GRK5: variants seen among roughly 807,000 people sequenced by gnomAD.
GRK5 encodes g protein-coupled receptor kinase GRK5.
GRK5 carries 40 observed loss-of-function variants against 78.4 expected under a neutral mutation model. That is an observed-to-expected ratio of 0.51 (90% confidence interval 0.40 to 0.66). GRK5 has a LOEUF of 0.66. Among genes scored for constraint, GRK5 ranks in the 30% least tolerant of loss-of-function variants. The probability of loss-of-function intolerance (pLI) is 0.00; values close to 1 mark genes in which losing one functional copy is unlikely to be tolerated. For synonymous variants in GRK5, 289 were observed against 296.8 expected (o/e 0.97, Z 0.27); for missense variants, 598 against 759.9 (o/e 0.79, Z 2.50).
In GRK5 at chr10:119,315,695, T is replaced by A. The variant is rs79623997; in HGVS notation, c.53-10821T>A. On this transcript the variant is annotated intron_variant, in intron 1 of 15. Transcript: ENST00000392870. ...AAGAACTGGATGGAGTCTTTAGTCC[T>A]GCAGACATCACAGGCAGAATTGTGA... Among the ~76,000 whole-genome samples the A allele has an allele frequency of 4.1e-3, 620 of 152,322 alleles. 4 individuals carry two copies. The highest frequency in any genetic ancestry group is 0.014 in the African/African-American group (591 of 41,576).
chr10:119,398,591 C>A (rs1055844014), intron 4 of GRK5, among the ~76,000 whole-genome samples: 9 of 152,224 alleles, frequency 5.9e-5, no homozygotes, highest in Non-Finnish European at 1.2e-4. Context: ...TGTGTCCCCC[C>A]CAAACAATGG....
chr10:119,347,503 A>G (rs1329943880), intron 2 of GRK5, among the ~76,000 whole-genome samples: 1 of 152,254 alleles, frequency 6.6e-6, no homozygotes, highest in African/African-American at 2.4e-5. Flanking sequence ...GTGCACGCCC[A>G]TCACCAGACT....
At chr10:119,396,983 G>A (rs1193934782) in intron 4 of GRK5, among the ~76,000 whole-genome samples, 1 of 152,270 alleles carries the variant, frequency 6.6e-6, no homozygotes, top group Admixed American at 6.5e-5. Context: ...CAGGACTGGA[G>A]TAGGGGCGGG....
Position 119,336,276 on chromosome 10 carries a change from A to G in GRK5, c.148+9665A>G, listed in dbSNP as rs1850884507. On this transcript the variant is annotated intron_variant, in intron 2 of 15. Coordinates refer to ENST00000392870, the MANE Select transcript of GRK5 (RefSeq NM_005308.3). This position sits in a 1 kb window ranked among gnomAD's most constrained non-coding sequence, Gnocchi z 4.5. ...CTCCCCACGGCTCCACAGTTTGCCC[A>G]GGGAAGCTGGAAGCATCACACTCTG... The G allele has an allele frequency of 6.6e-6, 1 of 152,204 alleles. No individual in the cohort carries two copies. Among genetic ancestry groups the G allele is most frequent in the African/African-American group, 2.4e-5 (1 of 41,408 alleles). 9.4% of individuals were successfully genotyped at this position (152,204 alleles called of 1,614,324 possible). A position where few individuals can be genotyped will look rare whatever the true frequency, so the allele number is the denominator to read the frequency against.
At chr10:119,266,586 G>A (rs1849502225) in intron 1 of GRK5, among the ~76,000 whole-genome samples, 1 of 152,150 alleles carries the variant, frequency 6.6e-6, no homozygotes, top group African/African-American at 2.4e-5. Flanking sequence ...GGAAGTTTAA[G>A]TAGTGAAGCC....
At chr10:119,409,333 T>C (rs1393305361) in intron 4 of GRK5, among the ~76,000 whole-genome samples, 1 of 152,206 alleles carries the variant, frequency 6.6e-6, no homozygotes, top group African/African-American at 2.4e-5. Context: ...GAGGCTGATG[T>C]GCCTTGCTGG....
At position 119,458,469 on chromosome 10, in the gene GRK5, G is replaced by A. The variant is rs986292395; in HGVS notation, c.*3402G>A. 9 of 152,380 alleles carry A rather than the reference G, an allele frequency of 5.9e-5. No individual in the cohort carries two copies. The highest frequency in any genetic ancestry group is 5.9e-4 in the Admixed American group (9 of 15,308). 9.4% of individuals were successfully genotyped at this position (152,380 alleles called of 1,614,324 possible). A position where few individuals can be genotyped will look rare whatever the true frequency, so the allele number is the denominator to read the frequency against. On this transcript the variant is annotated 3_prime_UTR_variant, in exon 16 of 16. Coordinates refer to ENST00000392870, the MANE Select transcript of GRK5 (RefSeq NM_005308.3). Reference sequence around the variant, plus strand: ...TCTAGGGCTGCTCGCTGCTGCTGTGGCCTGCGCAGCCACGGGAGGCTTCCT... The same window carrying A: ...TCTAGGGCTGCTCGCTGCTGCTGTGACCTGCGCAGCCACGGGAGGCTTCCT...
At chr10:119,446,471 C>T (rs1426457496) in intron 12 of GRK5, among the ~76,000 whole-genome samples, 1 of 149,510 alleles carries the variant, frequency 6.7e-6, no homozygotes. Flanking sequence ...ACCCAGCCCA[C>T]CCCTCGCCTT....
chr10:119,339,674 G>A (rs1254456383), intron 2 of GRK5, among the ~76,000 whole-genome samples: 2 of 152,046 alleles, frequency 1.3e-5, no homozygotes, highest in Admixed American at 6.5e-5. Flanking sequence ...CATGTGGATC[G>A]CTTGAGCTCA....
At chr10:119,328,109 G>A (rs969805309) in intron 2 of GRK5, among the ~76,000 whole-genome samples, 5 of 152,224 alleles carry the variant, frequency 3.3e-5, no homozygotes, top group Non-Finnish European at 5.9e-5. Flanking sequence ...TGGTGCCCTC[G>A]TCGGGAGACC....
Position 119,445,166 on chromosome 10 carries a change from G to C in GRK5, c.1266+1414G>C, listed in dbSNP as rs556786979. Among the ~76,000 whole-genome samples, 117 of 152,312 alleles carry C rather than the reference G, an allele frequency of 7.7e-4. No individual in the cohort carries two copies. Among genetic ancestry groups the C allele is most frequent in the Non-Finnish European group, 1.4e-3 (93 of 68,018 alleles). ...GGTCATCGCAGCCAGGGCTAGGGTGGGGGGACCGGAGGAGCAGTGCAGCAC... is the reference window on the plus strand; with the variant it reads ...GGTCATCGCAGCCAGGGCTAGGGTGCGGGGACCGGAGGAGCAGTGCAGCAC... On this transcript the variant is annotated intron_variant, in intron 12 of 15. Transcript: ENST00000392870. The surrounding 1 kb of genome is among the most constrained non-coding windows in gnomAD (Gnocchi z 4.1).
intron 1 of GRK5, among the ~76,000 whole-genome samples, chr10:119,318,204 C>G (rs1012685459): frequency 6.6e-6 from 1 of 152,244 alleles, no homozygotes; most frequent in African/African-American, 2.4e-5. Flanking sequence ...AGAGTCAGAA[C>G]AGCAGAGCCC....
chr10:119,449,029 G>A lies in GRK5; in HGVS notation c.1404+769G>A, dbSNP rs184226905. ...GTGCTTCGGCTCCTGCCACGCTCCCGCGGATGACCCCTTGCTGGCAGGGGG... is the reference window on the plus strand; with the variant it reads ...GTGCTTCGGCTCCTGCCACGCTCCCACGGATGACCCCTTGCTGGCAGGGGG... On this transcript the variant is annotated intron_variant, in intron 13 of 15. Transcript: ENST00000392870. Among the ~76,000 whole-genome samples, 685 of 151,880 alleles carry A rather than the reference G, an allele frequency of 4.5e-3. 3 individuals carry two copies. The highest frequency in any genetic ancestry group is 0.014 in the African/African-American group (588 of 41,556).
intron 1 of GRK5, among the ~76,000 whole-genome samples, chr10:119,261,523 G>C (rs7894003): frequency 6.7e-6 from 1 of 149,504 alleles, no homozygotes; most frequent in African/African-American, 2.5e-5. Flanking sequence ...CTGCAATCTC[G>C]GCACTTTGGG....
rs1175143874 is a variant in GRK5 at position 119,456,800 on chromosome 10, GGGGAGGACAGTC to G, written c.*1735_*1746del. The G allele has an allele frequency of 6.6e-6, 1 of 152,444 alleles. No homozygotes were observed. The highest frequency in any genetic ancestry group is 1.9e-4 in the East Asian group (1 of 5,182). The allele number at this position is 152,444 out of a possible 1,614,324, so 9.4% of individuals were successfully genotyped here. On this transcript the variant is annotated 3_prime_UTR_variant, in exon 16 of 16. Coordinates refer to ENST00000392870, the MANE Select transcript of GRK5 (RefSeq NM_005308.3). The surrounding 1 kb of genome is among the most constrained non-coding windows in gnomAD (Gnocchi z 5.5). ...CAGGCAGCATTGGAGCATGAGCCGTGGGGAGGACAGTCGTGAGCACACCAGCTGTGAGGCCCG... is the reference window on the plus strand; with the variant it reads ...CAGGCAGCATTGGAGCATGAGCCGTGGTGAGCACACCAGCTGTGAGGCCCG...
chr10:119,268,723 C>T (rs1198930010), intron 1 of GRK5, among the ~76,000 whole-genome samples: 1 of 152,236 alleles, frequency 6.6e-6, no homozygotes, highest in African/African-American at 2.4e-5. Flanking sequence ...CCAATGTCAT[C>T]ACTATCATTC....
At chr10:119,332,142 T>C (rs920394824) in intron 2 of GRK5, among the ~76,000 whole-genome samples, 4 of 151,380 alleles carry the variant, frequency 2.6e-5, no homozygotes, top group African/African-American at 9.7e-5. Context: ...AGTTTGACTC[T>C]GTCGCTCAGG....
intron 2 of GRK5, among the ~76,000 whole-genome samples, chr10:119,359,704 G>A (rs1173109607): frequency 2.0e-5 from 3 of 152,178 alleles, no homozygotes; most frequent in Non-Finnish European, 2.9e-5. Context: ...TTCCTCATCC[G>A]GTATCTGTCC....
intron 1 of GRK5, among the ~76,000 whole-genome samples, chr10:119,259,846 T>A (rs1200175928): frequency 6.6e-6 from 1 of 152,214 alleles, no homozygotes; most frequent in Non-Finnish European, 1.5e-5. Context: ...GCTACCATAG[T>A]GGACAGCATA....
Sources: allele counts gnomAD v4.1 joint callset (sites outside exome capture counted in the v4.1 genomes callset), GRCh38; gene constraint gnomAD v4.1.1; non-coding constraint Gnocchi (gnomAD v3.1); transcripts MANE v1.5; gene names NCBI Gene and HGNC (gene_info 2026-07-23, HGNC 2026-07-21).